BEGAIN: variants seen among roughly 807,000 people sequenced by gnomAD.
BEGAIN encodes brain enriched guanylate kinase associated, also known as brain-enriched guanylate kinase-associated protein.
BEGAIN carries 19 observed loss-of-function variants against 35.8 expected under a neutral mutation model. The ratio of observed to expected loss-of-function variants is 0.53; its 90% CI spans 0.37 to 0.78. The LOEUF (loss-of-function observed/expected upper bound fraction) is 0.78, where lower values mean the gene tolerates loss of function less well. BEGAIN is among the 30% of genes least tolerant of loss of function. The pLI, the probability that BEGAIN is intolerant of heterozygous loss-of-function variation, is 0.00. For missense variants in BEGAIN, 795 were observed against 853.6 expected (o/e 0.93, Z 0.85); for synonymous variants, 462 against 388.6 (o/e 1.19, Z -2.22).
intron 2 of BEGAIN, among the ~76,000 whole-genome samples, chr14:100,566,691 G>A (rs1196425105): frequency 2.0e-5 from 3 of 152,216 alleles, no homozygotes; most frequent in Non-Finnish European, 4.4e-5. Flanking sequence ...CCACGACAAG[G>A]TGGGCCTGGC....
chr14:100,552,953 C>T (rs1014842072), intron 2 of BEGAIN, among the ~76,000 whole-genome samples: 4 of 151,648 alleles, frequency 2.6e-5, no homozygotes, highest in Admixed American at 1.3e-4. Context: ...GGTGTAGTCA[C>T]GTGGGGAGCA....
intron 2 of BEGAIN, among the ~76,000 whole-genome samples, chr14:100,551,801 G>A (rs1361813537): frequency 1.3e-5 from 2 of 152,082 alleles, no homozygotes; most frequent in Admixed American, 1.3e-4. Flanking sequence ...GTCGCACATT[G>A]ATCACTGGAT....
intron 1 of BEGAIN, among the ~76,000 whole-genome samples, chr14:100,576,848 G>A (rs2035213852): frequency 6.6e-6 from 1 of 152,222 alleles, no homozygotes; most frequent in Admixed American, 6.5e-5. Flanking sequence ...CGGGGTACGA[G>A]GAAAGAGCTC....
intron 2 of BEGAIN, chr14:100,547,962 G>A (rs1393028959): frequency 1.3e-5 from 2 of 152,088 alleles, no homozygotes; most frequent in Non-Finnish European, 2.9e-5. Flanking sequence ...GTGGCACTGC[G>A]GGCACACACC....
chr14:100,569,682 C>T (rs946469077), intron 1 of BEGAIN: 2 of 154,630 alleles, frequency 1.3e-5, no homozygotes, highest in Non-Finnish European at 2.9e-5. Flanking sequence ...CAGACCTGAA[C>T]CAGGATCAAA....
At chr14:100,540,700 G>T in intron 5 of BEGAIN, 121 bp from the exon 6 acceptor site, 1 of 689,452 alleles carries the variant, frequency 1.5e-6, no homozygotes, top group East Asian at 2.7e-5. Flanking sequence ...CGCTCAGCAG[G>T]ACAAGGACCC....
chr14:100,548,968 A>C (rs2032884841), intron 2 of BEGAIN: 1 of 151,298 alleles, frequency 6.6e-6, no homozygotes, highest in Non-Finnish European at 1.5e-5. Context: ...CACCCAACCA[A>C]TCTTTGGGCT....
chr14:100,568,974 G>T lies in BEGAIN; in HGVS notation c.43-1035C>A. On this transcript the variant is annotated intron_variant, in intron 1 of 6. Coordinates refer to ENST00000554140, the MANE Select transcript of BEGAIN (RefSeq NM_001385089.1). The surrounding 1 kb of genome is among the most constrained non-coding windows in gnomAD (Gnocchi z 7.5). ...GCCGCGTCCGCCGGGAGCGCGCTCCGCTCGGGTCCGGGCCCCACGCCGCCT... is the reference window on the plus strand; with the variant it reads ...GCCGCGTCCGCCGGGAGCGCGCTCCTCTCGGGTCCGGGCCCCACGCCGCCT... The T allele has an allele frequency of 1.0e-6, 1 of 981,796 alleles. No homozygotes were observed. The highest frequency in any genetic ancestry group is 1.2e-6 in the Non-Finnish European group (1 of 827,900). The allele number at this position is 981,796 out of a possible 1,614,324, so 60.8% of individuals were successfully genotyped here.
intron 2 of BEGAIN, among the ~76,000 whole-genome samples, chr14:100,557,013 G>A (rs1040607019): frequency 2.6e-5 from 4 of 152,290 alleles, no homozygotes; most frequent in Admixed American, 2.0e-4. Context: ...CCACACACGA[G>A]TCAGGGCAGG....
intron 1 of BEGAIN, among the ~76,000 whole-genome samples, chr14:100,582,060 C>T (rs10873519): frequency 0.85 from 129,152 of 152,310 alleles, 55,627 homozygotes; most frequent in African/African-American, 0.92. Flanking sequence ...CGCCAGGGGC[C>T]GCAGCATAGG....
intron 2 of BEGAIN, among the ~76,000 whole-genome samples, chr14:100,566,409 GGAAAGA>G (rs1197187628): frequency 6.6e-6 from 1 of 152,204 alleles, no homozygotes; most frequent in African/African-American, 2.4e-5. Flanking sequence ...AGGGAAGGAG[GGAAAGA>G]GAAAGAGAAC....
At position 100,545,216 on chromosome 14, in the gene BEGAIN, C is replaced by T. The variant is rs560917461; in HGVS notation, c.234-150G>A. On this transcript the variant is annotated intron_variant, in intron 3 of 6. Transcript: ENST00000554140. ...TCACCCTGGTGGAATGTGTGCCCCT[C>T]TGCACACAGCAGAGAACATCCCATT... 1.9e-5 allele frequency: 28 copies of T among 1,498,490 alleles called. No individual in the cohort carries two copies. The African/African-American group carries it at 2.1e-4, about 11-fold the overall frequency. 92.8% of individuals were successfully genotyped at this position (1,498,490 alleles called of 1,614,324 possible).
intron 2 of BEGAIN, among the ~76,000 whole-genome samples, chr14:100,553,566 C>T (rs982134802): frequency 6.6e-6 from 1 of 152,172 alleles, no homozygotes; most frequent in Non-Finnish European, 1.5e-5. Context: ...TGCCCCCACA[C>T]CCATCCAGAC....
chr14:100,542,903 T>C (rs1235381955), intron 5 of BEGAIN, among the ~76,000 whole-genome samples: 1 of 152,226 alleles, frequency 6.6e-6, no homozygotes, highest in Non-Finnish European at 1.5e-5. Flanking sequence ...GGCTCCCCAC[T>C]GCACTCAGAA....
intron 2 of BEGAIN, among the ~76,000 whole-genome samples, chr14:100,555,419 T>C (rs1389266908): frequency 6.6e-6 from 1 of 152,234 alleles, no homozygotes; most frequent in East Asian, 1.9e-4. Context: ...GCGCTGACTC[T>C]GTCCTTTGTG....
intron 5 of BEGAIN, among the ~76,000 whole-genome samples, chr14:100,541,707 G>A (rs909924906): frequency 6.6e-6 from 1 of 152,230 alleles, no homozygotes; most frequent in South Asian, 2.1e-4. Flanking sequence ...AGCCAGGAGT[G>A]GCTGCCACTG....
At chr14:100,569,024 GC>G (rs1008411511) in intron 1 of BEGAIN, 1 of 856,222 alleles carries the variant, frequency 1.2e-6, no homozygotes, top group African/African-American at 1.8e-5. Context: ...CCGGGCGAGG[GC>G]GCAGCCCGGC....
chr14:100,568,178 G>T lies in BEGAIN; in HGVS notation c.43-239C>A. On this transcript the variant is annotated intron_variant, in intron 1 of 6. Transcript: ENST00000554140. This position sits in a 1 kb window ranked among gnomAD's most constrained non-coding sequence, Gnocchi z 7.5. ...CCCGGGCCGCCGCGCTCCCCGCACC[G>T]AGTTACGCCCCCCGGGGCGAAGAAG... The T allele has an allele frequency of 1.2e-6, 1 of 843,196 alleles. No homozygotes were observed. Among genetic ancestry groups the T allele is most frequent in the Non-Finnish European group, 1.4e-6 (1 of 695,820 alleles). 52.2% of individuals were successfully genotyped at this position (843,196 alleles called of 1,614,324 possible).
chr14:100,585,960 C>T (rs147987344), intron 1 of BEGAIN, among the ~76,000 whole-genome samples: 1 of 152,382 alleles, frequency 6.6e-6, no homozygotes, highest in African/African-American at 2.4e-5. Flanking sequence ...TTCCAAGCTG[C>T]CCTGATTATA....
Sources: allele counts gnomAD v4.1 joint callset (sites outside exome capture counted in the v4.1 genomes callset), GRCh38; gene constraint gnomAD v4.1.1; non-coding constraint Gnocchi (gnomAD v3.1); transcripts MANE v1.5; gene names NCBI Gene and HGNC (gene_info 2026-07-23, HGNC 2026-07-21).